The following LYAR variants were observed in gnomAD, a reference collection of about 807,000 sequenced individuals.
LYAR encodes the protein cell growth-regulating nucleolar protein.
A neutral mutation model predicts 45.2 loss-of-function variants in LYAR; 37 were observed. The ratio of observed to expected loss-of-function variants is 0.82; its 90% CI spans 0.63 to 1.08. The LOEUF is 1.08. Ranked by LOEUF, LYAR falls within the 50% of genes least tolerant of loss-of-function variation. The pLI, the probability that LYAR is intolerant of heterozygous loss-of-function variation, is 0.00. For missense variants in LYAR, 493 were observed against 451.0 expected, an observed-to-expected ratio of 1.09 and a Z score of -0.84; for synonymous variants, 176 against 155.1, an observed-to-expected ratio of 1.14 and a Z score of -1.00.
At position 4,290,139 on chromosome 4, in the gene LYAR, T is replaced by G. The variant is rs2120010; in HGVS notation, c.-211A>C. On this transcript the variant is annotated 5_prime_UTR_variant, in exon 1 of 10. Transcript: ENST00000343470. ...GCTACCTGCCTCTCAGGCTTCGCGG[T>G]GCAGAATTCGCTTCTGAACCACCCA... The G allele has an allele frequency of 6.6e-6, 1 of 152,002 alleles. No homozygotes were observed. Among genetic ancestry groups the G allele is most frequent in the Non-Finnish European group, 1.5e-5 (1 of 68,160 alleles). 9.4% of individuals were successfully genotyped at this position (152,002 alleles called of 1,614,324 possible).
At chr4:4,274,250 A>ACC in intron 7 of LYAR, 117 bp downstream of exon 7, 1 of 1,184,936 alleles carries the variant, frequency 8.4e-7, no homozygotes, top group African/African-American at 1.5e-5. Flanking sequence ...AAAAACAAAA[A>ACC]AAAAAAAAAC....
intron 6 of LYAR, among the ~76,000 whole-genome samples, chr4:4,276,357 AC>A (rs1719177808): frequency 6.6e-6 from 1 of 152,168 alleles, no homozygotes; most frequent in African/African-American, 2.4e-5. Context: ...ACAAGCTTTC[AC>A]TAGAGTGCAA....
chr4:4,273,063 AG>A (rs35246092), intron 8 of LYAR, among the ~76,000 whole-genome samples: 1 of 152,208 alleles, frequency 6.6e-6, no homozygotes, highest in Non-Finnish European at 1.5e-5. Flanking sequence ...AGAGATGGGC[AG>A]GGGCACAGTT....
chr4:4,285,036 G>T (rs1719552940), intron 2 of LYAR, among the ~76,000 whole-genome samples: 1 of 152,166 alleles, frequency 6.6e-6, no homozygotes, highest in African/African-American at 2.4e-5. Context: ...TGTCCATTCA[G>T]CCTTGAATGG....
At chr4:4,276,582 T>C (rs3116066) in intron 6 of LYAR, among the ~76,000 whole-genome samples, 19,586 of 151,096 alleles carry the variant, frequency 0.13, 3,626 homozygotes, top group African/African-American at 0.41. Context: ...GTAGGCCGGG[T>C]GCGGTGGCTC....
rs773371378 is a variant in LYAR at position 4,274,725 on chromosome 4, C to T, written c.474G>A (p.Val158=). The change falls in exon 7 of 10, where the codon GTG becomes GTA. Residue 158 remains valine, a synonymous_variant. Transcript: ENST00000343470. ...TGGAGATTTCTGCATGTGGATTTGCCACTGGGTGGAGTGGCCGTTGATCCT... is the reference window on the plus strand; with the variant it reads ...TGGAGATTTCTGCATGTGGATTTGCTACTGGGTGGAGTGGCCGTTGATCCT... ...KEQDQRPLHP[V]ANPHAEISTK... The T allele has an allele frequency of 6.2e-7, 1 of 1,612,526 alleles. No homozygotes were observed. The highest frequency in any genetic ancestry group is 8.5e-7 in the Non-Finnish European group (1 of 1,179,712).
At chr4:4,289,865 C>G (rs1314876841) in intron 1 of LYAR, 171 bp downstream of exon 1, 1 of 152,276 alleles carries the variant, frequency 6.6e-6, no homozygotes, top group Non-Finnish European at 1.5e-5. Flanking sequence ...ACGAGTTGGT[C>G]ACCCTAAGTC....
chr4:4,279,689 G>A lies in LYAR; in HGVS notation c.298C>T (p.Gln100Ter), dbSNP rs545818869. The A allele has an allele frequency of 3.2e-5, 51 of 1,613,822 alleles. No individual in the cohort carries two copies. Among genetic ancestry groups the A allele is most frequent in the Non-Finnish European group, 4.2e-5 (50 of 1,179,956 alleles). Residue 100 changes from glutamine (Q) to a stop codon, truncating the protein, a stop_gained, in exon 5 of 10, where the codon CAA becomes TAA. Transcript: ENST00000343470. LOFTEE classifies it high-confidence loss of function. ...VSPKVRELLE[Q>*]ISAFDNVPRK... ...GGAACGTTGTCAAAAGCACTAATTT[G>A]CTCTAAAAGTTCTCTCACTTTGGGG...
intron 6 of LYAR, among the ~76,000 whole-genome samples, chr4:4,276,977 T>C (rs1205604538): frequency 3.9e-5 from 6 of 152,150 alleles, no homozygotes; most frequent in African/African-American, 1.2e-4. Context: ...GAAATAGACT[T>C]AGGAAGAAGG....
intron 8 of LYAR, among the ~76,000 whole-genome samples, chr4:4,269,404 C>T (rs1308615842): frequency 1.1e-4 from 17 of 152,200 alleles, no homozygotes; most frequent in South Asian, 4.1e-4. Flanking sequence ...CAGCAAAAGC[C>T]GAGTGGCGAG....
At chr4:4,268,223 A>C (rs1718791104) in intron 9 of LYAR, among the ~76,000 whole-genome samples, 200 bp from the exon 10 acceptor site, 1 of 152,218 alleles carries the variant, frequency 6.6e-6, no homozygotes. Context: ...CTGAGAAACA[A>C]AGTGAAATAA....
intron 1 of LYAR, among the ~76,000 whole-genome samples, chr4:4,287,542 A>G (rs1205215570): frequency 2.0e-5 from 3 of 152,216 alleles, no homozygotes; most frequent in Admixed American, 2.0e-4. Flanking sequence ...TGTCCCATTT[A>G]TGAACACAAC....
intron 6 of LYAR, among the ~76,000 whole-genome samples, chr4:4,275,007 C>T (rs2108841897): frequency 6.6e-6 from 1 of 152,314 alleles, no homozygotes; most frequent in South Asian, 2.1e-4. Flanking sequence ...CATTTTCATT[C>T]CACTGGAAAA....
chr4:4,269,710 C>T (rs980174615), intron 8 of LYAR, among the ~76,000 whole-genome samples: 1 of 152,162 alleles, frequency 6.6e-6, no homozygotes, highest in Non-Finnish European at 1.5e-5. Context: ...AAAGCGTAAA[C>T]AGGATCTCAC....
Position 4,290,103 on chromosome 4 carries a change from C to G in LYAR, c.-175G>C, listed in dbSNP as rs909534118. 7 of 152,722 alleles carry G rather than the reference C, an allele frequency of 4.6e-5. No individual in the cohort carries two copies. Among genetic ancestry groups the G allele is most frequent in the African/African-American group, 1.7e-4 (7 of 41,476 alleles). 9.5% of individuals were successfully genotyped at this position (152,722 alleles called of 1,614,324 possible). A position where few individuals can be genotyped will look rare whatever the true frequency, so the allele number is the denominator to read the frequency against. On this transcript the variant is annotated 5_prime_UTR_variant, in exon 1 of 10. Coordinates refer to ENST00000343470, the MANE Select transcript of LYAR (RefSeq NM_017816.3). ...AGCACGTGGACTCGCCGCCGCCAGC[C>G]CAGCGCCGCAGCTACCTGCCTCTCA... is the stretch of plus-strand genomic sequence containing the variant.
intron 4 of LYAR, 109 bp downstream of exon 4, chr4:4,281,674 T>A: frequency 2.5e-6 from 2 of 798,766 alleles, no homozygotes; most frequent in South Asian, 1.6e-5. Flanking sequence ...GGACATGAGG[T>A]TTCCAGAGCT....
In LYAR at chr4:4,268,583, T is replaced by C; in HGVS notation, c.952A>G (p.Ile318Val). 1.2e-6 allele frequency: 2 copies of C among 1,611,852 alleles called. No homozygotes were observed. The highest frequency in any genetic ancestry group is 1.7e-6 in the Non-Finnish European group (2 of 1,178,500). Residue 318 changes from isoleucine to valine, a missense_variant, in exon 9 of 10, where the codon ATT becomes GTT. Coordinates refer to ENST00000343470, the MANE Select transcript of LYAR (RefSeq NM_017816.3). ...KFNWKGTIKA[I>V]LKQAPDNEIT... ...TCATTGTCTGGGGCCTGTTTCAGAA[T>C]TGCTTTAATAGTTCCCTTCCAGTTG...
At chr4:4,287,614 G>A (rs2108854110) in intron 1 of LYAR, among the ~76,000 whole-genome samples, 1 of 152,256 alleles carries the variant, frequency 6.6e-6, no homozygotes, top group Middle Eastern at 3.4e-3. Context: ...GAAAACCTAA[G>A]GCTCAGGAGG....
chr4:4,283,652 G>A lies in LYAR; in HGVS notation c.91C>T (p.Leu31Phe). The A allele has an allele frequency of 6.2e-7, 1 of 1,612,754 alleles. No individual in the cohort carries two copies. Among genetic ancestry groups the A allele is most frequent in the Admixed American group, 1.7e-5 (1 of 60,014 alleles). The stretch of plus-strand genomic sequence containing the variant: ...TCTTTACCGCAGTCAATGCAAGAAA[G>A]GCATTCACAGTTTCTGCAAACAGAC... ...HVSVCRNCEC[L>F]SCIDCGKDFW... The change falls in exon 3 of 10, where the codon CTT becomes TTT. Residue 31 changes from leucine (L) to phenylalanine (F), a missense_variant. By Grantham distance (22) the Leu-to-Phe change is conservative. Transcript: ENST00000343470.
Sources: gnomAD v4.1 joint callset for allele counts (sites outside exome capture counted in the v4.1 genomes callset) on GRCh38, gnomAD v4.1.1 for gene constraint, MANE v1.5 for transcripts, NCBI Gene and HGNC (gene_info 2026-07-23, HGNC 2026-07-21) for gene names.